ERFL: variants seen among roughly 807,000 people sequenced by gnomAD.
ERFL encodes the protein ETS domain-containing transcription factor ERF-like.
In ERFL, 8 loss-of-function variants were observed where a neutral mutation model predicts 27.9. The observed-to-expected ratio is 0.29, with a 90% confidence interval of 0.17 to 0.52. The LOEUF (loss-of-function observed/expected upper bound fraction) is 0.52, where lower values mean the gene tolerates loss of function less well. Among genes scored for constraint, ERFL ranks in the 20% least tolerant of loss-of-function variants. ERFL has a pLI of 0.97. For missense variants in ERFL, 294 were observed against 444.4 expected (o/e 0.66, Z 3.04); for synonymous variants, 174 against 202.8 (o/e 0.86, Z 1.21).
Position 41,917,710 on chromosome 19 carries a change from G to A in ERFL, c.-13-4778C>T, listed in dbSNP as rs78551510. Among the ~76,000 whole-genome samples, 4,070 of 151,526 alleles carry A rather than the reference G, an allele frequency of 0.027. 184 individuals carry two copies. Among genetic ancestry groups the A allele is most frequent in the African/African-American group, 0.093 (3,832 of 41,170 alleles). ...ATGGCCACACGTTCAGGCACAATCTGGGGACATATCTCTCCTTACGCCACA... is the reference window on the plus strand; with the variant it reads ...ATGGCCACACGTTCAGGCACAATCTAGGGACATATCTCTCCTTACGCCACA... On this transcript the variant is annotated intron_variant, in intron 1 of 5. Transcript: ENST00000597630. The surrounding 1 kb of genome is among the most constrained non-coding windows in gnomAD (Gnocchi z 4.8).
rs563143029 is a variant in ERFL at position 41,921,380 on chromosome 19, A to G, written c.-14+6660T>C. Among the ~76,000 whole-genome samples, 10 of 152,274 alleles carry G rather than the reference A, an allele frequency of 6.6e-5. No homozygotes were observed. Among genetic ancestry groups the G allele is most frequent in the Admixed American group, 1.3e-4 (2 of 15,304 alleles). Reference sequence around the variant, plus strand: ...GGAGATGGAGGGGGATAGGCGGGACATGGGGAACCCCACCAGGGGAAGGCA... The same window carrying G: ...GGAGATGGAGGGGGATAGGCGGGACGTGGGGAACCCCACCAGGGGAAGGCA... On this transcript the variant is annotated intron_variant, in intron 1 of 5. Coordinates refer to ENST00000597630, the MANE Select transcript of ERFL (RefSeq NM_001365103.2). This position sits in a 1 kb window ranked among gnomAD's most constrained non-coding sequence, Gnocchi z 4.4.
At chr19:41,923,696 G>A (rs1555852908) in intron 1 of ERFL, among the ~76,000 whole-genome samples, 1 of 52,276 alleles carries the variant, frequency 1.9e-5, no homozygotes, top group Non-Finnish European at 3.7e-5. Flanking sequence ...AGGCAGGGGT[G>A]TGCTGGGAGG....
rs542788490 is a variant in ERFL at position 41,916,848 on chromosome 19, C to T, written c.-13-3916G>A. On this transcript the variant is annotated intron_variant, in intron 1 of 5. Transcript: ENST00000597630. This position sits in a 1 kb window ranked among gnomAD's most constrained non-coding sequence, Gnocchi z 5.4. ...ACGGACCCAAACATACGACCGACAG[C>T]GGCCCCTGCAGAGGTACACACAGAC... Among the ~76,000 whole-genome samples, 5 of 145,114 alleles carry T rather than the reference C, an allele frequency of 3.4e-5. No homozygotes were observed. Among genetic ancestry groups the T allele is most frequent in the East Asian group, 2.0e-4 (1 of 5,024 alleles).
Position 41,917,473 on chromosome 19 carries a change from A to AG in ERFL, c.-13-4542dup, listed in dbSNP as rs2074808692. ...CCACCAGCCCCTTCATCCCTCACCC[A>AG]GGCCCCCCCATCCCCACCTCCCCTT... On this transcript the variant is annotated intron_variant, in intron 1 of 5. Transcript: ENST00000597630. The surrounding 1 kb of genome is among the most constrained non-coding windows in gnomAD (Gnocchi z 4.8). Among the ~76,000 whole-genome samples, 1 of 30,034 alleles carries AG rather than the reference A, an allele frequency of 3.3e-5. No individual in the cohort carries two copies. Among genetic ancestry groups the AG allele is most frequent in the African/African-American group, 1.3e-4 (1 of 7,582 alleles). The allele number at this position is 30,034 out of a possible 152,430, so 19.7% of individuals were successfully genotyped here.
At chr19:41,920,224 A>G (rs1260462693) in intron 1 of ERFL, among the ~76,000 whole-genome samples, 1 of 125,698 alleles carries the variant, frequency 8.0e-6, no homozygotes, top group Non-Finnish European at 1.6e-5. Flanking sequence ...CAGACGTGAC[A>G]CTCAGACGTG....
rs782237432 is a variant in ERFL at position 41,920,071 on chromosome 19, ACACT to A, written c.-13-7143_-13-7140del. ...CAGACATGACACACCCAGATGTGAC[ACACT>A]CACAGACATGACACGCTCACAGACA... is the stretch of plus-strand genomic sequence containing the variant. On this transcript the variant is annotated intron_variant, in intron 1 of 5. Transcript: ENST00000597630. Among the ~76,000 whole-genome samples, 111 of 132,074 alleles carry A rather than the reference ACACT, an allele frequency of 8.4e-4. 1 individual carries two copies. Among genetic ancestry groups the A allele is most frequent in the African/African-American group, 2.3e-3 (81 of 34,544 alleles). The allele number at this position is 132,074 out of a possible 152,430, so 86.6% of individuals were successfully genotyped here. A position where few individuals can be genotyped will look rare whatever the true frequency, so the allele number is the denominator to read the frequency against.
In ERFL at chr19:41,908,599, T is replaced by TAA; in HGVS notation, c.692_693dup (p.Asn232LeufsTer134). On this transcript the variant is annotated frameshift_variant, in exon 6 of 6. Coordinates refer to ENST00000597630, the MANE Select transcript of ERFL (RefSeq NM_001365103.2). LOFTEE classifies it high-confidence loss of function. This position sits in a 1 kb window ranked among gnomAD's most constrained non-coding sequence, Gnocchi z 6.7. ...GGGAAGGGGCCCGTGAGGTACGGGT[T>TAA]AAAGTTCCAGGGGTACTCAGGGAAG... is the stretch of plus-strand genomic sequence containing the variant. 8.1e-7 allele frequency: 1 copy of TAA among 1,231,602 alleles called. No homozygotes were observed. The highest frequency in any genetic ancestry group is 1.6e-5 in the African/African-American group (1 of 64,368). The allele number at this position is 1,231,602 out of a possible 1,614,324, so 76.3% of individuals were successfully genotyped here. A position where few individuals can be genotyped will look rare whatever the true frequency, so the allele number is the denominator to read the frequency against.
At chr19:41,915,191 G>A (rs2074792792) in intron 1 of ERFL, among the ~76,000 whole-genome samples, 1 of 116,640 alleles carries the variant, frequency 8.6e-6, no homozygotes, top group Non-Finnish European at 1.7e-5. Flanking sequence ...TCTTCCCGAC[G>A]CTTTCAACTC....
In ERFL at chr19:41,916,411, TCA is replaced by T. The variant is rs2074802054; in HGVS notation, c.-13-3481_-13-3480del. 1.3e-5 allele frequency among the ~76,000 whole-genome samples: 2 copies of T among 151,840 alleles called. No homozygotes were observed. The highest frequency in any genetic ancestry group is 2.1e-4 in the South Asian group (1 of 4,814). ...TCAGTAAAGTCACACACCAACACTG[TCA>T]CAGTCACACACACACACATCAGCAT... On this transcript the variant is annotated intron_variant, in intron 1 of 5. Coordinates refer to ENST00000597630, the MANE Select transcript of ERFL (RefSeq NM_001365103.2). The surrounding 1 kb of genome is among the most constrained non-coding windows in gnomAD (Gnocchi z 5.4).
intron 1 of ERFL, among the ~76,000 whole-genome samples, chr19:41,915,828 G>A (rs2074797494): frequency 6.6e-6 from 1 of 152,122 alleles, no homozygotes; most frequent in Non-Finnish European, 1.5e-5. Flanking sequence ...CGGCCTGCGG[G>A]GCCTGGGGCT....
intron 1 of ERFL, among the ~76,000 whole-genome samples, chr19:41,919,893 C>T (rs1238020052): frequency 6.6e-6 from 1 of 152,158 alleles, no homozygotes; most frequent in Non-Finnish European, 1.5e-5. Flanking sequence ...CCAGACGCAG[C>T]TGAGCACCAC....
chr19:41,909,455 G>A lies in ERFL; in HGVS notation c.319C>T (p.Arg107Trp). Residue 107 changes from arginine to tryptophan, a missense_variant, in exon 4 of 6, where the codon CGG becomes TGG. Arg to Trp is a moderately radical substitution (Grantham distance 101, BLOSUM62 -3). This residue lies in a region of ERFL where 246 missense variants were observed against 371.4 expected (regional missense o/e 0.66). Transcript: ENST00000597630. This position sits in a 1 kb window ranked among gnomAD's most constrained non-coding sequence, Gnocchi z 5.2. The stretch of plus-strand genomic sequence containing the variant: ...TTCCCTTTGGTCTTGTGGAGAATCC[G>A]CTTGTTGTAGTAGTAACTGTGGGGA... ...SRALRYYYNK[R>W]ILHKTKGKRF... 2 of 1,239,456 alleles carry A rather than the reference G, an allele frequency of 1.6e-6. No homozygotes were observed. Among genetic ancestry groups the A allele is most frequent in the Non-Finnish European group, 1.0e-6 (1 of 991,620 alleles). 76.8% of individuals were successfully genotyped at this position (1,239,456 alleles called of 1,614,324 possible).
intron 1 of ERFL, among the ~76,000 whole-genome samples, chr19:41,914,466 T>G (rs1231983549): frequency 1.3e-5 from 2 of 151,698 alleles, no homozygotes; most frequent in Non-Finnish European, 2.9e-5. Flanking sequence ...CCCCTGCTTC[T>G]TCTCCATCTG....
chr19:41,911,649 C>T (rs1475870887), intron 2 of ERFL, among the ~76,000 whole-genome samples: 1 of 152,088 alleles, frequency 6.6e-6, no homozygotes, highest in African/African-American at 2.4e-5. Flanking sequence ...TCTCACCTCC[C>T]ATGACAGGGC....
intron 1 of ERFL, among the ~76,000 whole-genome samples, chr19:41,918,857 A>C (rs2074820314): frequency 6.7e-6 from 1 of 148,842 alleles, no homozygotes; most frequent in Non-Finnish European, 1.5e-5. Context: ...CCCATCAGAC[A>C]CACCACACAC....
chr19:41,926,361 G>A (rs2074870438), intron 1 of ERFL, among the ~76,000 whole-genome samples: 1 of 152,118 alleles, frequency 6.6e-6, no homozygotes, highest in Non-Finnish European at 1.5e-5. Context: ...GTGCAGGCAG[G>A]TATGAGGAGA....
chr19:41,914,656 A>C (rs374122393), intron 1 of ERFL, among the ~76,000 whole-genome samples: 1 of 5,798 alleles, frequency 1.7e-4, no homozygotes, highest in Non-Finnish European at 2.7e-4. Context: ...CCTTTCCACC[A>C]TCTCTGTCTC....
In ERFL at chr19:41,909,493, T is replaced by TG. The variant is rs2145880695; in HGVS notation, c.303-23dup. ...GTAACTGTGGGGAGAGTGGTGGTGT[T>TG]GGGGAGGTGCAGGGGGAGCCCTGGG... On this transcript the variant is annotated intron_variant, in intron 3 of 5. Coordinates refer to ENST00000597630, the MANE Select transcript of ERFL (RefSeq NM_001365103.2). This position sits in a 1 kb window ranked among gnomAD's most constrained non-coding sequence, Gnocchi z 5.2. 8.0e-7 allele frequency: 1 copy of TG among 1,251,486 alleles called. No individual in the cohort carries two copies. Among genetic ancestry groups the TG allele is most frequent in the Non-Finnish European group, 1.0e-6 (1 of 999,320 alleles). 77.5% of individuals were successfully genotyped at this position (1,251,486 alleles called of 1,614,324 possible). A position where few individuals can be genotyped will look rare whatever the true frequency, so the allele number is the denominator to read the frequency against.
rs142057798 is a variant in ERFL, at chr19:41,908,597, G to A, written c.696C>T (p.Asn232=). ...TGGGGAAGGGGCCCGTGAGGTACGG[G>A]TTAAAGTTCCAGGGGTACTCAGGGA... The part of the protein sequence containing the change: ...RAFPEYPWNF[N]PYLTGPFPKL... Residue 232 remains asparagine, a synonymous_variant, in exon 6 of 6, where the codon AAC becomes AAT. Coordinates refer to ENST00000597630, the MANE Select transcript of ERFL (RefSeq NM_001365103.2). The surrounding 1 kb of genome is among the most constrained non-coding windows in gnomAD (Gnocchi z 6.7). 2.6e-4 allele frequency: 319 copies of A among 1,231,868 alleles called. 3 individuals carry two copies. In the East Asian group the frequency reaches 9.1e-3, roughly 35 times the overall value. 76.3% of individuals were successfully genotyped at this position (1,231,868 alleles called of 1,614,324 possible). A position where few individuals can be genotyped will look rare whatever the true frequency, so the allele number is the denominator to read the frequency against.
Sources: gnomAD v4.1 joint callset for allele counts (sites outside exome capture counted in the v4.1 genomes callset) on GRCh38, gnomAD v4.1.1 for gene constraint, gnomAD v4.1.1 regional missense constraint, Gnocchi (gnomAD v3.1) non-coding constraint, MANE v1.5 for transcripts, NCBI Gene and HGNC (gene_info 2026-07-23, HGNC 2026-07-21) for gene names.